Variants in MIGA1 observed in about 807,000 individuals in gnomAD.
MIGA1 encodes family with sequence similarity 73, member A.
MIGA1 carries 58 observed loss-of-function variants against 82.0 expected under a neutral mutation model. That is an observed-to-expected ratio of 0.71 (90% CI 0.57 to 0.88). The LOEUF (loss-of-function observed/expected upper bound fraction) is 0.88. Ranked by LOEUF, MIGA1 falls within the 40% of genes least tolerant of loss-of-function variation. The pLI, the probability that MIGA1 is intolerant of heterozygous loss-of-function variation, is 0.00. For missense variants in MIGA1, 751 were observed against 749.1 expected, an observed-to-expected ratio of 1.00 and a Z score of -0.03; for synonymous variants, 249 against 253.6, an observed-to-expected ratio of 0.98 and a Z score of 0.17.
At chr1:77,853,752 A>C (rs1315374112) in intron 8 of MIGA1, 1 of 327,176 alleles carries the variant, frequency 3.1e-6, no homozygotes, top group African/African-American at 2.2e-5. Context: ...GAAAAATCTC[A>C]AGGAAAAGTA....
intron 7 of MIGA1, among the ~76,000 whole-genome samples, chr1:77,816,019 A>G (rs570940663): frequency 6.6e-6 from 1 of 152,054 alleles, no homozygotes; most frequent in South Asian, 2.1e-4. Flanking sequence ...TCTTGGCTCA[A>G]CTCAAACTCC....
At chr1:77,822,123 C>T (rs11162387) in intron 7 of MIGA1, among the ~76,000 whole-genome samples, 96,760 of 151,174 alleles carry the variant, frequency 0.64, 32,184 homozygotes, top group Non-Finnish European at 0.74. Flanking sequence ...TTTCACATTG[C>T]ATACATATAA....
chr1:77,875,111 G>C lies in MIGA1; in HGVS notation c.*47G>C. The C allele has an allele frequency of 2.8e-6, 4 of 1,427,538 alleles. No homozygotes were observed. Among genetic ancestry groups the C allele is most frequent in the Non-Finnish European group, 3.9e-6 (4 of 1,020,972 alleles). The allele number at this position is 1,427,538 out of a possible 1,614,324, so 88.4% of individuals were successfully genotyped here. A position where few individuals can be genotyped will look rare whatever the true frequency, so the allele number is the denominator to read the frequency against. On this transcript the variant is annotated 3_prime_UTR_variant, in exon 16 of 16. Coordinates refer to ENST00000370791, the MANE Select transcript of MIGA1 (RefSeq NM_198549.4). ...TTGAGTGTGCTATGAAATATTTTAAGGTAACTATTGATTTTGTAACATATA... is the reference window on the plus strand; with the variant it reads ...TTGAGTGTGCTATGAAATATTTTAACGTAACTATTGATTTTGTAACATATA...
chr1:77,843,616 A>G (rs1222946394), intron 8 of MIGA1, among the ~76,000 whole-genome samples: 2 of 152,206 alleles, frequency 1.3e-5, no homozygotes, highest in Admixed American at 6.5e-5. Flanking sequence ...CTGTAAACAC[A>G]TGGTTTAGAT....
Position 77,875,272 on chromosome 1 carries a change from G to T in MIGA1, c.*208G>T. ...TGTAGTGTAGTCATAGTGGCTTTTT[G>T]CATTCATTAGGTAATAATTGAAGTC... On this transcript the variant is annotated 3_prime_UTR_variant, in exon 16 of 16. Coordinates refer to ENST00000370791, the MANE Select transcript of MIGA1 (RefSeq NM_198549.4). 2.1e-6 allele frequency: 1 copy of T among 476,378 alleles called. No homozygotes were observed. Among genetic ancestry groups the T allele is most frequent in the Non-Finnish European group, 3.7e-6 (1 of 269,440 alleles). 29.5% of individuals were successfully genotyped at this position (476,378 alleles called of 1,614,324 possible).
intron 14 of MIGA1, among the ~76,000 whole-genome samples, chr1:77,870,957 G>A (rs923381217): frequency 9.5e-4 from 143 of 151,036 alleles, no homozygotes; most frequent in African/African-American, 3.2e-3. Context: ...GTGGCGGTGC[G>A]CGCCTGCAGT....
intron 7 of MIGA1, among the ~76,000 whole-genome samples, chr1:77,840,163 T>C (rs1684577236): frequency 2.0e-5 from 3 of 152,252 alleles, no homozygotes; most frequent in Non-Finnish European, 4.4e-5. Flanking sequence ...ACAGAAGTAT[T>C]ATTTCTCTTT....
chr1:77,830,511 T>C (rs1474087037), intron 7 of MIGA1, among the ~76,000 whole-genome samples: 1 of 152,220 alleles, frequency 6.6e-6, no homozygotes, highest in Non-Finnish European at 1.5e-5. Flanking sequence ...AGACCACATA[T>C]TATCTGGGAA....
Position 77,830,381 on chromosome 1 carries a change from AATTTGTC to A in MIGA1, c.896-12922_896-12916del, listed in dbSNP as rs1684197776. The stretch of plus-strand genomic sequence containing the variant: ...TTATCTTTTTAAGTTTACATTTTCT[AATTTGTC>A]ATTGCTGGGATCTTAAATGTAGGTT... On this transcript the variant is annotated intron_variant, in intron 7 of 15. Transcript: ENST00000370791. 6.6e-5 allele frequency among the ~76,000 whole-genome samples: 10 copies of A among 152,216 alleles called. No homozygotes were observed. In the South Asian group the frequency reaches 2.1e-3, roughly 32 times the overall value.
At chr1:77,848,748 CAG>C in intron 8 of MIGA1, 1 of 1,445,080 alleles carries the variant, frequency 6.9e-7, no homozygotes, top group Non-Finnish European at 9.7e-7. Context: ...GGTACTTGGC[CAG>C]GCAGATGGTG....
chr1:77,875,248 G>A lies in MIGA1; in HGVS notation c.*184G>A. 1.8e-6 allele frequency: 1 copy of A among 558,298 alleles called. No individual in the cohort carries two copies. Among genetic ancestry groups the A allele is most frequent in the Non-Finnish European group, 3.2e-6 (1 of 316,180 alleles). 34.6% of individuals were successfully genotyped at this position (558,298 alleles called of 1,614,324 possible). ...AGAAGTTCTGTCATTGAATTCCTGT[G>A]TAGTGTAGTCATAGTGGCTTTTTGC... On this transcript the variant is annotated 3_prime_UTR_variant, in exon 16 of 16. Transcript: ENST00000370791.
intron 14 of MIGA1, among the ~76,000 whole-genome samples, chr1:77,866,690 T>A (rs987581386): frequency 4.6e-5 from 7 of 150,870 alleles, no homozygotes; most frequent in African/African-American, 1.7e-4. Context: ...TATTAATTTT[T>A]TTTTTTTTTT....
intron 3 of MIGA1, among the ~76,000 whole-genome samples, chr1:77,802,554 G>A (rs1682927623): frequency 6.6e-6 from 1 of 152,170 alleles, no homozygotes; most frequent in Non-Finnish European, 1.5e-5. Context: ...CAGGAGGATG[G>A]CTTGAGCCCA....
chr1:77,846,526 G>C (rs1014148392), intron 8 of MIGA1, among the ~76,000 whole-genome samples: 2 of 151,964 alleles, frequency 1.3e-5, no homozygotes, highest in African/African-American at 4.8e-5. Context: ...TAGAGGTGGG[G>C]TCTTGTCAGG....
chr1:77,814,115 C>G (rs1047404932), intron 6 of MIGA1, among the ~76,000 whole-genome samples: 2 of 151,900 alleles, frequency 1.3e-5, no homozygotes, highest in Admixed American at 1.3e-4. Context: ...TCTCGAACTC[C>G]TGGCCTCAGG....
chr1:77,800,287 T>A (rs1272566458), intron 2 of MIGA1, among the ~76,000 whole-genome samples: 1 of 152,186 alleles, frequency 6.6e-6, no homozygotes, highest in African/African-American at 2.4e-5. Context: ...CTCTCAACAG[T>A]GTATTCTTTC....
intron 2 of MIGA1, among the ~76,000 whole-genome samples, chr1:77,798,968 A>G (rs1682768760): frequency 6.6e-6 from 1 of 152,186 alleles, no homozygotes. Flanking sequence ...ATCTGTTGAG[A>G]TAATATTATG....
chr1:77,811,484 T>C lies in MIGA1; in HGVS notation c.638-2250T>C, dbSNP rs1253279840. On this transcript the variant is annotated intron_variant, in intron 5 of 15. Transcript: ENST00000370791. The stretch of plus-strand genomic sequence containing the variant: ...AATTCTTTATTATATGTAAGAATAT[T>C]CTTTAGGATTGGTTCTAGCTTCTTC... 7.8e-6 allele frequency: 12 copies of C among 1,542,964 alleles called. No homozygotes were observed. The East Asian group carries it at 2.5e-4, about 32-fold the overall frequency.
chr1:77,809,107 A>AAC (rs1683214686), intron 5 of MIGA1, among the ~76,000 whole-genome samples: 1 of 151,468 alleles, frequency 6.6e-6, no homozygotes, highest in Non-Finnish European at 1.5e-5. Context: ...CGTTTTCTTA[A>AAC]AACAACAACA....
Sources: allele counts gnomAD v4.1 joint callset (sites outside exome capture counted in the v4.1 genomes callset), GRCh38; gene constraint gnomAD v4.1.1; transcripts MANE v1.5; gene names NCBI Gene and HGNC (gene_info 2026-07-23, HGNC 2026-07-21).